Variants in EML6 observed in about 807,000 individuals in gnomAD.
EML6 encodes the protein EMAP like 6.
A neutral mutation model predicts 240.1 loss-of-function variants in EML6; 154 were observed. That is an observed-to-expected ratio of 0.64 (90% CI 0.56 to 0.73). EML6 has a LOEUF of 0.73. Among genes scored for constraint, EML6 ranks in the 30% least tolerant of loss-of-function variants. EML6 has a pLI of 0.00. For missense variants in EML6, 2,964 were observed against 2,474.6 expected, an observed-to-expected ratio of 1.20 and a Z score of -4.20; for synonymous variants, 1,148 against 899.0, an observed-to-expected ratio of 1.28 and a Z score of -4.95.
chr2:54,725,277 G>C lies in EML6; in HGVS notation c.197+19G>C, dbSNP rs527412161. On this transcript the variant is annotated intron_variant, in intron 2 of 41. Coordinates refer to ENST00000356458, the MANE Select transcript of EML6 (RefSeq NM_001039753.4). The surrounding 1 kb of genome is among the most constrained non-coding windows in gnomAD (Gnocchi z 4.3). Reference sequence around the variant, plus strand: ...TTATCAGGTAAGGGGGTGGCCAGGGGCGGCGGGGAGGGGTTGCGTGTGGAG... The same window carrying C: ...TTATCAGGTAAGGGGGTGGCCAGGGCCGGCGGGGAGGGGTTGCGTGTGGAG... 2 of 1,394,172 alleles carry C rather than the reference G, an allele frequency of 1.4e-6. No individual in the cohort carries two copies. The highest frequency in any genetic ancestry group is 5.7e-5 in the Admixed American group (2 of 34,784). 86.4% of individuals were successfully genotyped at this position (1,394,172 alleles called of 1,614,324 possible).
intron 2 of EML6, among the ~76,000 whole-genome samples, chr2:54,771,592 C>T (rs1668402973): frequency 6.6e-6 from 1 of 152,254 alleles, no homozygotes; most frequent in Admixed American, 6.5e-5. Context: ...TTCAGAACGT[C>T]TGCTACAAAA....
intron 4 of EML6, among the ~76,000 whole-genome samples, chr2:54,820,120 A>G (rs1331333559): frequency 6.6e-6 from 1 of 152,166 alleles, no homozygotes; most frequent in Non-Finnish European, 1.5e-5. Context: ...CCATTTGTTT[A>G]TCTCAAATGG....
rs375773447 is a variant in EML6 at position 54,894,935 on chromosome 2, G to A, written c.2763G>A (p.Lys921=). The change falls in exon 20 of 42, where the codon AAG becomes AAA. Residue 921 remains lysine, a synonymous_variant. Transcript: ENST00000356458. ...ALDKGFVTGG[K]DGIVELWDDM... ...CACAGGGCTTTGTAACAGGTGGAAA[G>A]GACGGCATCGTGGAGCTCTGGGATG... 10 of 1,551,052 alleles carry A rather than the reference G, an allele frequency of 6.4e-6. No individual in the cohort carries two copies. The highest frequency in any genetic ancestry group is 1.7e-4 in the Middle Eastern group (1 of 6,016).
chr2:54,964,557 A>G lies in EML6; in HGVS notation c.5331-14A>G. 1 of 1,552,054 alleles carries G rather than the reference A, an allele frequency of 6.4e-7. No homozygotes were observed. Among genetic ancestry groups the G allele is most frequent in the Non-Finnish European group, 8.7e-7 (1 of 1,146,970 alleles). ...CCCTCCTCATGGACTCTGCTCTCGG[A>G]TTGCTTTTTCTAGAATCAGCCCAGA... is the stretch of plus-strand genomic sequence containing the variant. On this transcript the variant is annotated splice_polypyrimidine_tract_variant and intron_variant, in intron 37 of 41. Coordinates refer to ENST00000356458, the MANE Select transcript of EML6 (RefSeq NM_001039753.4).
At chr2:54,859,776 C>T (rs988196080) in intron 12 of EML6, 75 bp downstream of exon 12, 5 of 1,274,216 alleles carry the variant, frequency 3.9e-6, no homozygotes, top group Admixed American at 6.7e-5. Context: ...AACATGTATT[C>T]TATAGGTAAA....
At chr2:54,834,833 G>C (rs1669050672) in intron 7 of EML6, among the ~76,000 whole-genome samples, 1 of 152,184 alleles carries the variant, frequency 6.6e-6, no homozygotes, top group Non-Finnish European at 1.5e-5. Context: ...CTTTTACATA[G>C]AATATTGCAG....
chr2:54,805,230 A>C (rs1159581653), intron 2 of EML6, among the ~76,000 whole-genome samples: 1 of 152,118 alleles, frequency 6.6e-6, no homozygotes, highest in African/African-American at 2.4e-5. Context: ...CGTGTGACCT[A>C]TTTCCGATTT....
rs527372823 is a variant in EML6, at chr2:54,882,209, A to C, written c.2438+2569A>C. On this transcript the variant is annotated intron_variant, in intron 17 of 41. Coordinates refer to ENST00000356458, the MANE Select transcript of EML6 (RefSeq NM_001039753.4). ...CGATCTGTTTAAACAATTTCCCCGC[A>C]TGCAATCTTTGCTAATTTTTATGAG... 2.0e-5 allele frequency: 3 copies of C among 152,040 alleles called. No individual in the cohort carries two copies. In the East Asian group the frequency reaches 5.8e-4, roughly 29 times the overall value. 9.4% of individuals were successfully genotyped at this position (152,040 alleles called of 1,614,324 possible).
rs138786058 is a variant in EML6 at position 54,958,064 on chromosome 2, G to A, written c.4695+66G>A. The A allele has an allele frequency of 4.2e-4, 591 of 1,397,090 alleles. 2 individuals are homozygous for A. In the African/African-American group the frequency reaches 7.5e-3, roughly 18 times the overall value. The allele number at this position is 1,397,090 out of a possible 1,614,324, so 86.5% of individuals were successfully genotyped here. On this transcript the variant is annotated intron_variant, in intron 33 of 41. Transcript: ENST00000356458. Reference sequence around the variant, plus strand: ...CCCCTGGGCATGGGCATGGGCATGGGCAGGAGGGGAGTTTGGCCAAGAGGC... The same window carrying A: ...CCCCTGGGCATGGGCATGGGCATGGACAGGAGGGGAGTTTGGCCAAGAGGC...
At chr2:54,924,333 T>C (rs1674426177) in intron 26 of EML6, among the ~76,000 whole-genome samples, 1 of 152,074 alleles carries the variant, frequency 6.6e-6, no homozygotes, top group African/African-American at 2.4e-5. Context: ...TCAGTTTACA[T>C]TTCTCTGATG....
chr2:54,900,863 G>T (rs563822052), intron 22 of EML6, among the ~76,000 whole-genome samples: 1 of 152,278 alleles, frequency 6.6e-6, no homozygotes, highest in Non-Finnish European at 1.5e-5. Flanking sequence ...AGCCTCAGAG[G>T]ACATCTACTG....
At chr2:54,818,917 T>C (rs1668199616) in intron 4 of EML6, among the ~76,000 whole-genome samples, 1 of 152,232 alleles carries the variant, frequency 6.6e-6, no homozygotes, top group Admixed American at 6.5e-5. Flanking sequence ...CAAGATTATT[T>C]TAGTGGCACT....
intron 7 of EML6, among the ~76,000 whole-genome samples, chr2:54,832,214 C>A (rs988651337): frequency 6.6e-6 from 1 of 152,226 alleles, no homozygotes; most frequent in Non-Finnish European, 1.5e-5. Context: ...CTGGCCCACC[C>A]ATTGCTTCCA....
intron 26 of EML6, among the ~76,000 whole-genome samples, chr2:54,926,965 C>T (rs1674581363): frequency 6.6e-6 from 1 of 152,166 alleles, no homozygotes; most frequent in Non-Finnish European, 1.5e-5. Flanking sequence ...AAACAGCTTG[C>T]ATTTGTAGTG....
intron 2 of EML6, among the ~76,000 whole-genome samples, chr2:54,786,517 C>T (rs1222130950): frequency 1.3e-5 from 2 of 152,184 alleles, no homozygotes; most frequent in South Asian, 2.1e-4. Context: ...CCGCTACCTA[C>T]CCCACCAGTG....
intron 21 of EML6, among the ~76,000 whole-genome samples, chr2:54,897,811 C>T (rs903079611): frequency 4.6e-5 from 7 of 152,134 alleles, no homozygotes; most frequent in African/African-American, 1.7e-4. Flanking sequence ...CCCAGGTCTG[C>T]TCTGTGCTGT....
At chr2:54,786,766 C>G (rs1669117740) in intron 2 of EML6, among the ~76,000 whole-genome samples, 1 of 152,232 alleles carries the variant, frequency 6.6e-6, no homozygotes, top group Non-Finnish European at 1.5e-5. Flanking sequence ...GTTAAGACAG[C>G]TGGTCTCTAA....
chr2:54,904,415 A>C (rs552115456), intron 24 of EML6, among the ~76,000 whole-genome samples: 1 of 152,254 alleles, frequency 6.6e-6, no homozygotes, highest in South Asian at 2.1e-4. Context: ...TGTGGTAGAG[A>C]AGCACCAAGC....
intron 28 of EML6, among the ~76,000 whole-genome samples, chr2:54,941,436 C>A (rs895585451): frequency 6.6e-6 from 1 of 152,188 alleles, no homozygotes; most frequent in Admixed American, 6.5e-5. Flanking sequence ...GCTCCCAGCT[C>A]CTTCCTCAGC....
Sources: gnomAD v4.1 joint callset for allele counts (sites outside exome capture counted in the v4.1 genomes callset) on GRCh38, gnomAD v4.1.1 for gene constraint, Gnocchi (gnomAD v3.1) non-coding constraint, MANE v1.5 for transcripts, NCBI Gene and HGNC (gene_info 2026-07-23, HGNC 2026-07-21) for gene names.